Variants in TWSG1 observed in about 807,000 individuals in gnomAD.
TWSG1 encodes twisted gastrulation BMP signaling modulator 1, also known as twisted gastrulation protein homolog 1.
A neutral mutation model predicts 23.0 loss-of-function variants in TWSG1; 15 were observed. That is an observed-to-expected ratio of 0.65 (90% CI 0.44 to 1.00). The LOEUF is 1.00. Ranked by LOEUF, TWSG1 falls within the 50% of genes least tolerant of loss-of-function variation. The probability of loss-of-function intolerance (pLI) is 0.00; values close to 1 mark genes in which losing one functional copy is unlikely to be tolerated. For missense variants in TWSG1, 242 were observed against 278.7 expected, an observed-to-expected ratio of 0.87 and a Z score of 0.94; for synonymous variants, 86 against 92.8, an observed-to-expected ratio of 0.93 and a Z score of 0.42.
chr18:9,396,072 A>G (rs2040733301), intron 3 of TWSG1, among the ~76,000 whole-genome samples: 1 of 150,396 alleles, frequency 6.6e-6, no homozygotes, highest in South Asian at 2.1e-4. Context: ...TTATGTATTT[A>G]AAAAACAAGA....
chr18:9,389,432 C>A (rs1268595671), intron 3 of TWSG1, among the ~76,000 whole-genome samples: 1 of 152,130 alleles, frequency 6.6e-6, no homozygotes, highest in Admixed American at 6.5e-5. Context: ...GAGGCTACAT[C>A]ATGATCTTGG....
chr18:9,363,178 T>C (rs1030268090), intron 3 of TWSG1, among the ~76,000 whole-genome samples: 4 of 152,220 alleles, frequency 2.6e-5, no homozygotes, highest in Non-Finnish European at 5.9e-5. Context: ...AACTTTCCCC[T>C]GTGGCTCCCT....
chr18:9,337,155 C>T, intron 1 of TWSG1, 38 bp from the exon 2 acceptor site: 3 of 1,539,752 alleles, frequency 1.9e-6, no homozygotes, highest in Non-Finnish European at 2.7e-6. Context: ...TTTACCCTAG[C>T]ACTTGCCTTT....
intron 2 of TWSG1, among the ~76,000 whole-genome samples, chr18:9,342,069 G>A (rs1436144591): frequency 3.9e-5 from 6 of 152,162 alleles, no homozygotes; most frequent in Non-Finnish European, 8.8e-5. Flanking sequence ...TGTGGGGAAC[G>A]GAGTGTTACC....
intron 2 of TWSG1, among the ~76,000 whole-genome samples, chr18:9,338,550 C>G (rs1006967023): frequency 6.6e-6 from 1 of 152,202 alleles, no homozygotes; most frequent in Non-Finnish European, 1.5e-5. Context: ...TAATATGTAT[C>G]TCTAAAAGAG....
chr18:9,348,180 T>C (rs1304741920), intron 2 of TWSG1, among the ~76,000 whole-genome samples: 1 of 152,180 alleles, frequency 6.6e-6, no homozygotes, highest in Non-Finnish European at 1.5e-5. Flanking sequence ...TGAAGAGAAT[T>C]GTTGGTTATT....
chr18:9,336,927 A>C lies in TWSG1; in HGVS notation c.-37-266A>C, dbSNP rs544092394. 2.0e-4 allele frequency among the ~76,000 whole-genome samples: 31 copies of C among 152,256 alleles called. 1 individual carries two copies. The South Asian group carries it at 6.0e-3, about 29-fold the overall frequency. On this transcript the variant is annotated intron_variant, in intron 1 of 4. Transcript: ENST00000262120. The stretch of plus-strand genomic sequence containing the variant: ...AAATGATCACTCAAAAGTTTTTTGA[A>C]GGCCAGGCATGGTGGTATTGTCTGT...
intron 3 of TWSG1, among the ~76,000 whole-genome samples, chr18:9,372,056 C>T (rs993940327): frequency 4.6e-5 from 7 of 152,012 alleles, no homozygotes; most frequent in Admixed American, 1.3e-4. Context: ...TGAGCCATCG[C>T]GCCTGGCCAA....
intron 3 of TWSG1, among the ~76,000 whole-genome samples, chr18:9,380,233 A>G (rs2040650094): frequency 6.6e-6 from 1 of 152,170 alleles, no homozygotes; most frequent in East Asian, 1.9e-4. Flanking sequence ...AGTCCTAACA[A>G]CAAACCTAAA....
chr18:9,383,444 G>A (rs1249286159), intron 3 of TWSG1, among the ~76,000 whole-genome samples: 7 of 151,958 alleles, frequency 4.6e-5, no homozygotes, highest in African/African-American at 1.4e-4. Context: ...CACCCACCTC[G>A]GCCTCCCAAA....
intron 2 of TWSG1, among the ~76,000 whole-genome samples, chr18:9,338,815 G>A (rs549127796): frequency 6.6e-6 from 1 of 152,276 alleles, no homozygotes; most frequent in African/African-American, 2.4e-5. Context: ...AACATTTGCT[G>A]TATTCATGTT....
intron 2 of TWSG1, among the ~76,000 whole-genome samples, chr18:9,347,181 T>G (rs1278670880): frequency 6.6e-6 from 1 of 152,250 alleles, no homozygotes; most frequent in Non-Finnish European, 1.5e-5. Context: ...TGTTTACTTT[T>G]TTTATTGTTG....
chr18:9,364,397 G>A (rs914125246), intron 3 of TWSG1, among the ~76,000 whole-genome samples: 2 of 152,040 alleles, frequency 1.3e-5, no homozygotes, highest in Non-Finnish European at 1.5e-5. Flanking sequence ...GAGTTCCGAC[G>A]GTGAAAGTCT....
chr18:9,350,272 C>CA (rs35392295), intron 2 of TWSG1, among the ~76,000 whole-genome samples: 1 of 152,192 alleles, frequency 6.6e-6, no homozygotes, highest in Non-Finnish European at 1.5e-5. Context: ...AAGAATACAT[C>CA]GTTTCCCTCC....
At chr18:9,396,147 CAAAAA>C (rs58754446) in intron 3 of TWSG1, 128 bp from the exon 4 acceptor site, 7,725 of 462,392 alleles carry the variant, frequency 0.017, no homozygotes, top group South Asian at 0.022. Context: ...GCTCACCCAG[CAAAAA>C]AAAAAAAAAA....
chr18:9,368,525 G>T (rs1321341496), intron 3 of TWSG1, among the ~76,000 whole-genome samples: 2 of 149,472 alleles, frequency 1.3e-5, no homozygotes, highest in East Asian at 4.2e-4. Context: ...AATTTGTATT[G>T]CTTTGGGCTG....
rs571958555 is a variant in TWSG1 at position 9,362,488 on chromosome 18, G to A, written c.223+2417G>A. Among the ~76,000 whole-genome samples, 9 of 152,332 alleles carry A rather than the reference G, an allele frequency of 5.9e-5. No homozygotes were observed. In the East Asian group the frequency reaches 1.2e-3, roughly 20 times the overall value. ...CTCCCAAAGTGCTGGGATTACAGGC[G>A]TGAGCCAATGTGCCCAGCCTCACAC... On this transcript the variant is annotated intron_variant, in intron 3 of 4. Coordinates refer to ENST00000262120, the MANE Select transcript of TWSG1 (RefSeq NM_020648.6).
At chr18:9,357,461 G>C (rs1323954896) in intron 2 of TWSG1, among the ~76,000 whole-genome samples, 2 of 152,160 alleles carry the variant, frequency 1.3e-5, no homozygotes, top group East Asian at 3.8e-4. Context: ...TGTCGTATTA[G>C]AATAATGGGC....
At chr18:9,376,762 G>C (rs1206349851) in intron 3 of TWSG1, among the ~76,000 whole-genome samples, 1 of 151,172 alleles carries the variant, frequency 6.6e-6, no homozygotes, top group Non-Finnish European at 1.5e-5. Context: ...AGCCTAAGAG[G>C]TGGAGGTTGC....
Sources: allele counts gnomAD v4.1 joint callset (sites outside exome capture counted in the v4.1 genomes callset), GRCh38; gene constraint gnomAD v4.1.1; transcripts MANE v1.5; gene names NCBI Gene and HGNC (gene_info 2026-07-23, HGNC 2026-07-21).